Variants in AGBL4 observed in about 807,000 individuals in gnomAD.
AGBL4 encodes AGBL carboxypeptidase 4.
AGBL4 carries 58 observed loss-of-function variants against 66.4 expected under a neutral mutation model. That is an observed-to-expected ratio of 0.87 (90% CI 0.71 to 1.09). The LOEUF (loss-of-function observed/expected upper bound fraction) is 1.09, where lower values mean the gene tolerates loss of function less well. Ranked by LOEUF, AGBL4 falls within the 50% of genes least tolerant of loss-of-function variation. The pLI is 0.00. For missense variants in AGBL4, 579 were observed against 631.0 expected (o/e 0.92, Z 0.88); for synonymous variants, 234 against 222.9 (o/e 1.05, Z -0.44).
intron 4 of AGBL4, among the ~76,000 whole-genome samples, chr1:49,237,851 G>A (rs762430038): frequency 6.6e-6 from 1 of 151,472 alleles, no homozygotes; most frequent in Admixed American, 6.6e-5. Context: ...TTTTCTTTCT[G>A]TTTGAAGAAC....
At chr1:48,598,255 G>A (rs539484392) in intron 9 of AGBL4, among the ~76,000 whole-genome samples, 1 of 152,316 alleles carries the variant, frequency 6.6e-6, no homozygotes, top group Non-Finnish European at 1.5e-5. Flanking sequence ...GGGCATGAAT[G>A]AGGCAGTTGA....
chr1:49,993,922 A>G (rs990068972), intron 1 of AGBL4, among the ~76,000 whole-genome samples: 2 of 152,196 alleles, frequency 1.3e-5, no homozygotes, highest in Non-Finnish European at 2.9e-5. Context: ...TAATCCTTTT[A>G]CCAGAATCAT....
chr1:49,618,519 G>A (rs571623771), intron 3 of AGBL4, among the ~76,000 whole-genome samples: 10 of 152,102 alleles, frequency 6.6e-5, no homozygotes, highest in Non-Finnish European at 1.5e-4. Flanking sequence ...CAGATTCACA[G>A]GCAAATTCTA....
intron 3 of AGBL4, among the ~76,000 whole-genome samples, chr1:49,295,513 T>G (rs2148434501): frequency 6.6e-6 from 1 of 152,232 alleles, no homozygotes; most frequent in Non-Finnish European, 1.5e-5. Context: ...GGTAGAGATG[T>G]GAAACAACAT....
chr1:49,587,846 T>TTTATTA (rs377603416), intron 3 of AGBL4, among the ~76,000 whole-genome samples: 1 of 151,838 alleles, frequency 6.6e-6, no homozygotes, highest in East Asian at 1.9e-4. Flanking sequence ...GATTTTTAAA[T>TTTATTA]TTATTATTAT....
At chr1:48,835,247 CA>C (rs1305404443) in intron 6 of AGBL4, among the ~76,000 whole-genome samples, 1 of 152,228 alleles carries the variant, frequency 6.6e-6, no homozygotes, top group Non-Finnish European at 1.5e-5. Flanking sequence ...GAACCCCTAT[CA>C]GGGGCAGAAT....
intron 3 of AGBL4, among the ~76,000 whole-genome samples, chr1:49,618,030 G>C (rs1156910084): frequency 1.3e-5 from 2 of 152,082 alleles, no homozygotes; most frequent in African/African-American, 4.8e-5. Flanking sequence ...ACACGCCCTG[G>C]TGTGTGATGT....
At chr1:48,845,610 C>G (rs1646891849) in intron 6 of AGBL4, among the ~76,000 whole-genome samples, 1 of 152,208 alleles carries the variant, frequency 6.6e-6, no homozygotes, top group South Asian at 2.1e-4. Context: ...ACCCCAAGAG[C>G]TGAAGCATAG....
At chr1:49,303,421 T>G (rs1644790792) in intron 3 of AGBL4, among the ~76,000 whole-genome samples, 1 of 139,206 alleles carries the variant, frequency 7.2e-6, no homozygotes, top group Admixed American at 7.3e-5. Context: ...TGTTGAGCTC[T>G]TTTTCATGTT....
At position 49,256,351 on chromosome 1, in the gene AGBL4, T is replaced by C. The variant is rs539250472; in HGVS notation, c.283-10487A>G. 2.0e-5 allele frequency among the ~76,000 whole-genome samples: 3 copies of C among 152,262 alleles called. No individual in the cohort carries two copies. The South Asian group carries it at 6.2e-4, about 32-fold the overall frequency. ...TAAAATTCAAAAAGGCATTTATTGA[T>C]ACAAAGTCAATACTTAAAAATCAAT... On this transcript the variant is annotated intron_variant, in intron 3 of 13. Coordinates refer to ENST00000371839, the MANE Select transcript of AGBL4 (RefSeq NM_032785.4).
intron 3 of AGBL4, among the ~76,000 whole-genome samples, chr1:49,427,346 A>T (rs750472255): frequency 6.6e-6 from 1 of 152,180 alleles, no homozygotes; most frequent in Non-Finnish European, 1.5e-5. Context: ...TTTAGAATTT[A>T]GAAAGAAAGG....
chr1:49,219,089 G>A (rs1649299916), intron 4 of AGBL4, among the ~76,000 whole-genome samples: 1 of 152,036 alleles, frequency 6.6e-6, no homozygotes, highest in African/African-American at 2.4e-5. Context: ...CCCATGGCTG[G>A]CTCCTAAAAC....
chr1:49,397,600 A>G lies in AGBL4; in HGVS notation c.283-151736T>C, dbSNP rs543278196. Reference sequence around the variant, plus strand: ...ATTGAATCAGAAGAGTATTTAGGTAAAAAACAAAGGGGCTAAAATGACAAA... The same window carrying G: ...ATTGAATCAGAAGAGTATTTAGGTAGAAAACAAAGGGGCTAAAATGACAAA... On this transcript the variant is annotated intron_variant, in intron 3 of 13. Transcript: ENST00000371839. 2.5e-3 allele frequency among the ~76,000 whole-genome samples: 386 copies of G among 152,336 alleles called. 1 individual carries two copies. The highest frequency in any genetic ancestry group is 8.8e-3 in the African/African-American group (366 of 41,584).
chr1:49,023,696 G>C (rs1260838863), intron 5 of AGBL4, among the ~76,000 whole-genome samples: 1 of 152,102 alleles, frequency 6.6e-6, no homozygotes, highest in Non-Finnish European at 1.5e-5. Flanking sequence ...CAAAAGGTCA[G>C]CTACAGGTAA....
At chr1:49,880,737 T>C in intron 1 of AGBL4, among the ~76,000 whole-genome samples, 1 of 152,116 alleles carries the variant, frequency 6.6e-6, no homozygotes, top group Non-Finnish European at 1.5e-5. Flanking sequence ...GCCTGGGCAA[T>C]GGCGGGCGCC....
chr1:49,271,670 C>G (rs1644062382), intron 3 of AGBL4, among the ~76,000 whole-genome samples: 1 of 152,060 alleles, frequency 6.6e-6, no homozygotes, highest in African/African-American at 2.4e-5. Flanking sequence ...TGTTCACTTT[C>G]TTTCTTACAA....
intron 5 of AGBL4, among the ~76,000 whole-genome samples, chr1:48,929,661 A>G (rs1654878502): frequency 6.6e-6 from 1 of 152,174 alleles, no homozygotes. Flanking sequence ...TATTTTTGAC[A>G]TCTGATAAGT....
intron 1 of AGBL4, among the ~76,000 whole-genome samples, chr1:49,986,878 T>G (rs1659542978): frequency 6.6e-6 from 1 of 152,076 alleles, no homozygotes; most frequent in Non-Finnish European, 1.5e-5. Context: ...TTAAATGTAT[T>G]TTATACCATG....
At chr1:48,986,685 G>A (rs1455481861) in intron 5 of AGBL4, among the ~76,000 whole-genome samples, 1 of 151,974 alleles carries the variant, frequency 6.6e-6, no homozygotes, top group African/African-American at 2.4e-5. Context: ...AGAAAATTAT[G>A]CCAGATGGAA....
Sources: gnomAD v4.1 joint callset for allele counts (sites outside exome capture counted in the v4.1 genomes callset) on GRCh38, gnomAD v4.1.1 for gene constraint, MANE v1.5 for transcripts, NCBI Gene and HGNC (gene_info 2026-07-23, HGNC 2026-07-21) for gene names.